Variants in MPDZ observed in about 807,000 individuals in gnomAD.
The protein encoded by MPDZ is multiple PDZ domain protein.
A neutral mutation model predicts 239.1 loss-of-function variants in MPDZ; 234 were observed. The observed-to-expected ratio is 0.98, with a 90% CI of 0.88 to 1.09. The LOEUF (loss-of-function observed/expected upper bound fraction) is 1.09. Among genes scored for constraint, MPDZ ranks in the 50% least tolerant of loss-of-function variants. The probability of loss-of-function intolerance (pLI) is 0.00; values close to 1 mark genes in which losing one functional copy is unlikely to be tolerated. For missense variants in MPDZ, 3,175 were observed against 2,510.0 expected (o/e 1.26, Z -5.66); for synonymous variants, 1,048 against 881.3 (o/e 1.19, Z -3.35).
At chr9:13,160,717 G>A (rs1022602538) in intron 23 of MPDZ, among the ~76,000 whole-genome samples, 4 of 150,346 alleles carry the variant, frequency 2.7e-5, no homozygotes, top group Admixed American at 6.7e-5. Context: ...CGTATCCTTG[G>A]GTCCAACATC....
intron 1 of MPDZ, among the ~76,000 whole-genome samples, chr9:13,257,826 C>A (rs1969793379): frequency 6.6e-6 from 1 of 152,030 alleles, no homozygotes; most frequent in Non-Finnish European, 1.5e-5. Flanking sequence ...AGTGTATGTC[C>A]CATGCCACAC....
chr9:13,203,065 G>A (rs1052688737), intron 12 of MPDZ, among the ~76,000 whole-genome samples: 5 of 152,096 alleles, frequency 3.3e-5, no homozygotes, highest in Non-Finnish European at 7.4e-5. Context: ...TGAGGTGATG[G>A]ATATGCTAAT....
chr9:13,253,109 A>T (rs1968534796), intron 1 of MPDZ, among the ~76,000 whole-genome samples: 1 of 152,106 alleles, frequency 6.6e-6, no homozygotes, highest in Non-Finnish European at 1.5e-5. Flanking sequence ...TCTGCAGAGA[A>T]AGTACAGCGT....
chr9:13,110,127 T>G, intron 44 of MPDZ, 63 bp from the exon 45 acceptor site: 1 of 1,198,740 alleles, frequency 8.3e-7, no homozygotes, highest in Non-Finnish European at 1.2e-6. Context: ...AAAGTAATTT[T>G]TCTTCAGAAA....
Position 13,196,196 on chromosome 9 carries a change from T to C in MPDZ, c.1581A>G (p.Ile527Met), listed in dbSNP as rs1233772681. The C allele has an allele frequency of 1.9e-6, 3 of 1,598,748 alleles. No homozygotes were observed. The highest frequency in any genetic ancestry group is 3.4e-5 in the Admixed American group (2 of 58,002). ...CAGCTTCTTGTTTTTGTGCATCTTCTATTTCTTCTATCTCAGCTGACAGTA... is the reference window on the plus strand; with the variant it reads ...CAGCTTCTTGTTTTTGTGCATCTTCCATTTCTTCTATCTCAGCTGACAGTA... ...YPLLSAEIEE[I>M]EDAQKQEAAL... The change falls in exon 13 of 47, where the codon ATA (isoleucine) becomes ATG (methionine). Residue 527 changes from isoleucine to methionine, a missense_variant. Physicochemically the swap from Ile to Met is conservative, Grantham distance 10. Transcript: ENST00000319217.
intron 22 of MPDZ, among the ~76,000 whole-genome samples, chr9:13,164,134 T>C (rs1157137664): frequency 6.6e-6 from 1 of 152,176 alleles, no homozygotes; most frequent in Admixed American, 6.6e-5. Flanking sequence ...TTGGGCAGAA[T>C]ACATGGGGCC....
chr9:13,247,821 T>G lies in MPDZ; in HGVS notation c.17-20A>C. 6.3e-7 allele frequency: 1 copy of G among 1,580,792 alleles called. No individual in the cohort carries two copies. Among genetic ancestry groups the G allele is most frequent in the Non-Finnish European group, 8.7e-7 (1 of 1,155,508 alleles). On this transcript the variant is annotated intron_variant, in intron 2 of 46. Coordinates refer to ENST00000319217, the MANE Select transcript of MPDZ (RefSeq NM_001378778.1). ...TTTTGTCTATACCAAAGAGCAGCAT[T>G]TGTCAATAACAGGATTCAAAGGACA...
chr9:13,221,306 A>T (rs1226162917), intron 7 of MPDZ, 66 bp downstream of exon 7: 1 of 1,439,700 alleles, frequency 6.9e-7, no homozygotes, highest in Non-Finnish European at 9.2e-7. Context: ...TTCCAACAAA[A>T]AAATGTAAAA....
intron 10 of MPDZ, 43 bp from the exon 11 acceptor site, chr9:13,206,142 A>T (rs766400429): frequency 1.3e-6 from 2 of 1,523,470 alleles, no homozygotes; most frequent in South Asian, 2.5e-5. Context: ...TGTTAAATAA[A>T]TGGATATTTG....
At chr9:13,126,486 A>T in intron 34 of MPDZ, 30 bp downstream of exon 34, 1 of 1,481,910 alleles carries the variant, frequency 6.7e-7, no homozygotes, top group East Asian at 2.5e-5. Flanking sequence ...ATGGGCCTAC[A>T]TTACCATTTA....
chr9:13,219,780 A>G lies in MPDZ; in HGVS notation c.877-12T>C. 1 of 1,608,776 alleles carries G rather than the reference A, an allele frequency of 6.2e-7. No homozygotes were observed. The highest frequency in any genetic ancestry group is 8.5e-7 in the Non-Finnish European group (1 of 1,176,108). On this transcript the variant is annotated splice_polypyrimidine_tract_variant and intron_variant, in intron 7 of 46. Coordinates refer to ENST00000319217, the MANE Select transcript of MPDZ (RefSeq NM_001378778.1). The stretch of plus-strand genomic sequence containing the variant: ...CATAAACGCCCATGCTGAGTAAAAC[A>G]ATATTGAATAATTAGACTATTATTA...
intron 21 of MPDZ, among the ~76,000 whole-genome samples, chr9:13,171,335 T>C (rs890999733): frequency 4.6e-5 from 7 of 152,174 alleles, no homozygotes; most frequent in Admixed American, 1.3e-4. Flanking sequence ...TGAAGCCTGT[T>C]AGTACAACAA....
intron 21 of MPDZ, among the ~76,000 whole-genome samples, chr9:13,173,809 T>G (rs1189935688): frequency 6.6e-6 from 1 of 152,058 alleles, no homozygotes; most frequent in African/African-American, 2.4e-5. Context: ...TTCACCAACC[T>G]AAGCTGAATG....
At position 13,192,189 on chromosome 9, in the gene MPDZ, G is replaced by C; in HGVS notation, c.1910C>G (p.Pro637Arg). The C allele has an allele frequency of 1.2e-6, 2 of 1,611,282 alleles. No individual in the cohort carries two copies. The highest frequency in any genetic ancestry group is 8.5e-7 in the Non-Finnish European group (1 of 1,178,684). The change falls in exon 15 of 47, where the codon CCC becomes CGC. Residue 637 changes from proline (P) to arginine (R), a missense_variant. By Grantham distance (103) the Pro-to-Arg change is moderately radical (BLOSUM62 -2). Transcript: ENST00000319217. ...TMVCCRRTVP[P>R]TTQSELDSLD... ...GCTATCCAATTCTGATTGGGTGGTG[G>C]GTGGCACAGTTCGACGACAGCACAC...
rs757155024 is a variant in MPDZ at position 13,196,142 on chromosome 9, C to T, written c.1635G>A (p.Met545Ile). The T allele has an allele frequency of 6.2e-7, 1 of 1,600,364 alleles. No homozygotes were observed. Among genetic ancestry groups the T allele is most frequent in the Non-Finnish European group, 8.5e-7 (1 of 1,172,188 alleles). Residue 545 changes from methionine (M) to isoleucine (I), a missense_variant, in exon 13 of 47, where the codon ATG (methionine) becomes ATA (isoleucine). Coordinates refer to ENST00000319217, the MANE Select transcript of MPDZ (RefSeq NM_001378778.1). ...CTACCACTATTTCATAGTTAATTCC[C>T]ATAATCCTTTGCCATTTTGTCAGCA... Reference protein sequence around the residue: ...AALLTKWQRIMGINYEIVVAH... With the variant: ...AALLTKWQRIIGINYEIVVAH...
chr9:13,243,659 G>C (rs1339575851), intron 3 of MPDZ, among the ~76,000 whole-genome samples: 1 of 152,090 alleles, frequency 6.6e-6, no homozygotes, highest in Admixed American at 6.6e-5. Flanking sequence ...CAACATTTAA[G>C]AGTAATTTTC....
chr9:13,111,294 A>C (rs1227848789), intron 43 of MPDZ, among the ~76,000 whole-genome samples: 1 of 152,224 alleles, frequency 6.6e-6, no homozygotes, highest in Non-Finnish European at 1.5e-5. Context: ...TCCTTCCAGA[A>C]GTTTACTGAC....
Position 13,123,196 on chromosome 9 carries a change from G to C in MPDZ, c.4910C>G (p.Thr1637Arg), listed in dbSNP as rs2131668224. The C allele has an allele frequency of 6.2e-7, 1 of 1,613,246 alleles. No individual in the cohort carries two copies. Among genetic ancestry groups the C allele is most frequent in the South Asian group, 1.1e-5 (1 of 91,012 alleles). Residue 1637 changes from threonine to arginine, a missense_variant, in exon 36 of 47, where the codon ACA becomes AGA. Transcript: ENST00000319217. ...CCCAACGATGCTCAGGCCCAGCCCT[G>C]TTCGCCCTTTGGAAATCTCGATGGT... ...ETTIEISKGR[T>R]GLGLSIVGGS...
chr9:13,260,199 C>A (rs1970353824), intron 1 of MPDZ, among the ~76,000 whole-genome samples: 1 of 151,966 alleles, frequency 6.6e-6, no homozygotes, highest in Non-Finnish European at 1.5e-5. Context: ...TTAGAAAGAT[C>A]ACTCTGGCAA....
Sources: allele counts gnomAD v4.1 joint callset (sites outside exome capture counted in the v4.1 genomes callset), GRCh38; gene constraint gnomAD v4.1.1; transcripts MANE v1.5; gene names NCBI Gene and HGNC (gene_info 2026-07-23, HGNC 2026-07-21).